Variants in ZNF326 observed in about 807,000 individuals in gnomAD.
ZNF326 encodes zinc finger protein 326, also known as DBIRD complex subunit ZNF326.
Under a neutral mutation model 63.1 loss-of-function variants are expected in ZNF326, and 30 were observed. The ratio of observed to expected loss-of-function variants is 0.48; its 90% CI spans 0.36 to 0.64. The LOEUF is 0.64. Ranked by LOEUF, ZNF326 falls within the 30% of genes least tolerant of loss-of-function variation. ZNF326 has a pLI of 0.00. For synonymous variants in ZNF326, 194 were observed against 228.2 expected (o/e 0.85, Z 1.35); for missense variants, 609 against 720.3 (o/e 0.85, Z 1.77).
At chr1:90,021,817 A>G (rs1367906917) in intron 10 of ZNF326, among the ~76,000 whole-genome samples, 1 of 152,078 alleles carries the variant, frequency 6.6e-6, no homozygotes, top group Non-Finnish European at 1.5e-5. Flanking sequence ...CCTTGACACC[A>G]TTTTGGCAAT....
intron 11 of ZNF326, among the ~76,000 whole-genome samples, chr1:90,023,749 C>A (rs187509604): frequency 1.3e-4 from 20 of 152,266 alleles, no homozygotes; most frequent in Middle Eastern, 3.4e-3. Context: ...ATTAGAATTT[C>A]TATATAGTGT....
chr1:90,015,318 A>G (rs1174000506), intron 7 of ZNF326, among the ~76,000 whole-genome samples: 1 of 152,212 alleles, frequency 6.6e-6, no homozygotes, highest in East Asian at 1.9e-4. Flanking sequence ...AGAGATGTAC[A>G]TAAATAATAG....
intron 2 of ZNF326, among the ~76,000 whole-genome samples, chr1:90,003,994 T>C: frequency 6.6e-6 from 1 of 152,124 alleles, no homozygotes; most frequent in East Asian, 1.9e-4. Flanking sequence ...GTGTATGACA[T>C]TTGGGGAGAG....
At chr1:90,006,828 C>T (rs775548196) in intron 4 of ZNF326, among the ~76,000 whole-genome samples, 8 of 152,126 alleles carry the variant, frequency 5.3e-5, no homozygotes, top group Non-Finnish European at 7.4e-5. Context: ...CTCCTACAGA[C>T]ACAATGAAGC....
At chr1:90,023,032 A>G (rs540192263) in intron 11 of ZNF326, among the ~76,000 whole-genome samples, 47 of 152,268 alleles carry the variant, frequency 3.1e-4, no homozygotes, top group African/African-American at 1.1e-3. Flanking sequence ...GAACAATTGG[A>G]TATATACTCT....
At chr1:90,004,713 C>T (rs893643845) in intron 2 of ZNF326, among the ~76,000 whole-genome samples, 50 of 148,290 alleles carry the variant, frequency 3.4e-4, no homozygotes, top group Admixed American at 3.1e-3. Context: ...TAGCCAGTCT[C>T]ATAACCCAGT....
chr1:89,999,255 A>G (rs1210700111), intron 2 of ZNF326, among the ~76,000 whole-genome samples: 2 of 151,890 alleles, frequency 1.3e-5, no homozygotes, highest in Admixed American at 6.6e-5. Flanking sequence ...GCTGACTAGT[A>G]ATGGGTAGAA....
chr1:90,028,444 G>A lies in ZNF326; in HGVS notation c.*743G>A, dbSNP rs994022538. 1.3e-5 allele frequency: 2 copies of A among 152,058 alleles called. No homozygotes were observed. Among genetic ancestry groups the A allele is most frequent in the Non-Finnish European group, 2.9e-5 (2 of 67,998 alleles). 9.4% of individuals were successfully genotyped at this position (152,058 alleles called of 1,614,324 possible). ...TTTCAAATAGAAGTGAGTTTGAACT[G>A]ACCTTATTTATACTCTTTTTAAGTT... On this transcript the variant is annotated 3_prime_UTR_variant, in exon 12 of 12. Transcript: ENST00000340281.
chr1:89,995,197 G>A lies in ZNF326; in HGVS notation c.-61G>A. On this transcript the variant is annotated 5_prime_UTR_variant, in exon 1 of 12. Coordinates refer to ENST00000340281, the MANE Select transcript of ZNF326 (RefSeq NM_182976.4). Reference sequence around the variant, plus strand: ...TCGTGTGGAATCGCGGGTCGCGGACGCTCGCCGCCGGCCATAGCTCAGCCT... The same window carrying A: ...TCGTGTGGAATCGCGGGTCGCGGACACTCGCCGCCGGCCATAGCTCAGCCT... 3 of 1,520,494 alleles carry A rather than the reference G, an allele frequency of 2.0e-6. No homozygotes were observed. Among genetic ancestry groups the A allele is most frequent in the Admixed American group, 2.0e-5 (1 of 49,312 alleles). The allele number at this position is 1,520,494 out of a possible 1,614,324, so 94.2% of individuals were successfully genotyped here. A position where few individuals can be genotyped will look rare whatever the true frequency, so the allele number is the denominator to read the frequency against.
rs544814680 is a variant in ZNF326, at chr1:90,016,671, C to T, written c.927-646C>T. On this transcript the variant is annotated intron_variant, in intron 7 of 11. Coordinates refer to ENST00000340281, the MANE Select transcript of ZNF326 (RefSeq NM_182976.4). ...GGTGGAGGTTGCAGTGAGCTGAGAT[C>T]GCACCACTGCACTCCAGCCTGGGCA... 1.4e-4 allele frequency among the ~76,000 whole-genome samples: 21 copies of T among 150,466 alleles called. No individual in the cohort carries two copies. In the South Asian group the frequency reaches 2.3e-3, roughly 17 times the overall value.
intron 6 of ZNF326, among the ~76,000 whole-genome samples, chr1:90,012,505 G>GTGGA (rs1359952339): frequency 1.3e-5 from 2 of 152,208 alleles, no homozygotes; most frequent in African/African-American, 4.8e-5. Context: ...TAACTAGATA[G>GTGGA]TGGAGATGGT....
At position 90,035,108 on chromosome 1, in the gene ZNF326, G is replaced by A. The variant is rs1233819985; in HGVS notation, c.*7407G>A. The A allele has an allele frequency of 6.6e-6, 1 of 152,180 alleles. No individual in the cohort carries two copies. The highest frequency in any genetic ancestry group is 2.1e-4 in the South Asian group (1 of 4,832). The allele number at this position is 152,180 out of a possible 1,614,324, so 9.4% of individuals were successfully genotyped here. On this transcript the variant is annotated 3_prime_UTR_variant, in exon 12 of 12. Transcript: ENST00000340281. The stretch of plus-strand genomic sequence containing the variant: ...AATAAAGCCTTTGTAACTTGGCTAA[G>A]GACTAGGAAGGTCTTCCAGAAAGCT...
chr1:89,996,581 A>G (rs1648386360), intron 1 of ZNF326, among the ~76,000 whole-genome samples: 1 of 152,108 alleles, frequency 6.6e-6, no homozygotes, highest in Non-Finnish European at 1.5e-5. Context: ...CCTTTAAACT[A>G]TGAATATTTG....
At chr1:90,016,847 T>C (rs1649527391) in intron 7 of ZNF326, among the ~76,000 whole-genome samples, 1 of 152,242 alleles carries the variant, frequency 6.6e-6, no homozygotes, top group Admixed American at 6.5e-5. Context: ...CTAAGTGAAG[T>C]AGTCTTTAGA....
chr1:90,005,492 A>G (rs899221740), intron 4 of ZNF326: 7 of 1,140,644 alleles, frequency 6.1e-6, no homozygotes, highest in African/African-American at 4.8e-5. Flanking sequence ...TACACTTTTT[A>G]GCAGTGAACT....
Position 90,007,647 on chromosome 1 carries a change from G to T in ZNF326, c.512G>T (p.Gly171Val). 6.5e-7 allele frequency: 1 copy of T among 1,545,542 alleles called. No individual in the cohort carries two copies. Among genetic ancestry groups the T allele is most frequent in the South Asian group, 1.2e-5 (1 of 80,840 alleles). Residue 171 changes from glycine (G) to valine (V), a missense_variant, in exon 5 of 12, where the codon GGC becomes GTC. Physicochemically the swap from Gly to Val is moderately radical, Grantham distance 109 (BLOSUM62 -3). Coordinates refer to ENST00000340281, the MANE Select transcript of ZNF326 (RefSeq NM_182976.4). The surrounding 1 kb of genome is among the most constrained non-coding windows in gnomAD (Gnocchi z 4.9). ...SSPHMKPAPV[G>V]SRGRGTPAYP... is the part of the protein sequence containing the mutation. ...CCCCATATGAAGCCTGCACCTGTAG[G>T]CTCTCGGGGGAGAGGAACGCCTGCT... is the stretch of plus-strand genomic sequence containing the variant.
intron 1 of ZNF326, among the ~76,000 whole-genome samples, chr1:89,997,613 C>G (rs909290470): frequency 7.9e-5 from 12 of 152,240 alleles, no homozygotes; most frequent in Non-Finnish European, 1.2e-4. Flanking sequence ...ACCTCGTGAC[C>G]CGCCCACCTC....
Position 90,007,520 on chromosome 1 carries a change from G to T in ZNF326, c.385G>T (p.Gly129Trp). ...CTCTTTCGGAGGTAGAAACCAGGGC[G>T]GGTCTAGCTGGGAAGCACCTTACTC... ...LDSFGGRNQG[G>W]SSWEAPYSRS... Residue 129 changes from glycine (G) to tryptophan (W), a missense_variant, in exon 5 of 12, where the codon GGG becomes TGG. Coordinates refer to ENST00000340281, the MANE Select transcript of ZNF326 (RefSeq NM_182976.4). The surrounding 1 kb of genome is among the most constrained non-coding windows in gnomAD (Gnocchi z 4.9). 6.2e-7 allele frequency: 1 copy of T among 1,614,076 alleles called. No individual in the cohort carries two copies. The highest frequency in any genetic ancestry group is 8.5e-7 in the Non-Finnish European group (1 of 1,179,986).
At chr1:90,006,656 T>A (rs1366391524) in intron 4 of ZNF326, among the ~76,000 whole-genome samples, 1 of 152,150 alleles carries the variant, frequency 6.6e-6, no homozygotes, top group Admixed American at 6.6e-5. Flanking sequence ...ATGCAGAGGG[T>A]ATATGTTGGT....
Sources: allele counts gnomAD v4.1 joint callset (sites outside exome capture counted in the v4.1 genomes callset), GRCh38; gene constraint gnomAD v4.1.1; non-coding constraint Gnocchi (gnomAD v3.1); transcripts MANE v1.5; gene names NCBI Gene and HGNC (gene_info 2026-07-23, HGNC 2026-07-21).